Variants in NR3C2 observed in about 807,000 individuals in gnomAD.
NR3C2 encodes nuclear receptor subfamily 3 group C member 2.
NR3C2 carries 15 observed loss-of-function variants against 86.4 expected under a neutral mutation model. The observed-to-expected ratio is 0.17, with a 90% CI of 0.12 to 0.27. The LOEUF is 0.27. Ranked by LOEUF, NR3C2 falls within the 10% of genes least tolerant of loss-of-function variation. The probability of loss-of-function intolerance (pLI) is 1.00; values close to 1 mark genes in which losing one functional copy is unlikely to be tolerated. For missense variants in NR3C2, 960 were observed against 1,195.6 expected, an observed-to-expected ratio of 0.80 and a Z score of 2.91; for synonymous variants, 458 against 450.5, an observed-to-expected ratio of 1.02 and a Z score of -0.21.
At chr4:148,085,585 A>G (rs1044970604) in intron 8 of NR3C2, among the ~76,000 whole-genome samples, 1 of 152,226 alleles carries the variant, frequency 6.6e-6, no homozygotes, top group Non-Finnish European at 1.5e-5. Flanking sequence ...TAAAAGAACT[A>G]GAGAAGCAAG....
intron 2 of NR3C2, among the ~76,000 whole-genome samples, chr4:148,344,382 C>A (rs1302667366): frequency 1.3e-5 from 2 of 152,144 alleles, no homozygotes; most frequent in African/African-American, 4.8e-5. Context: ...CTGAAAAAAG[C>A]ATGAGCGTTG....
At chr4:148,155,606 A>G (rs908314223) in intron 4 of NR3C2, among the ~76,000 whole-genome samples, 8 of 152,164 alleles carry the variant, frequency 5.3e-5, no homozygotes, top group Admixed American at 3.9e-4. Context: ...GCTCAAGGAA[A>G]TAAGAGGATA....
At chr4:148,383,723 G>T (rs1579233229) in intron 2 of NR3C2, among the ~76,000 whole-genome samples, 1 of 152,048 alleles carries the variant, frequency 6.6e-6, no homozygotes, top group African/African-American at 2.4e-5. Flanking sequence ...GAGGCCGAGG[G>T]TGGATCATGA....
chr4:148,214,500 T>C (rs549182914), intron 3 of NR3C2, among the ~76,000 whole-genome samples: 16 of 152,310 alleles, frequency 1.1e-4, no homozygotes, highest in African/African-American at 3.8e-4. Context: ...CATGAATGCA[T>C]TTGGCTCCAT....
chr4:148,413,253 G>A (rs1197811361), intron 2 of NR3C2, among the ~76,000 whole-genome samples: 3 of 152,140 alleles, frequency 2.0e-5, no homozygotes, highest in African/African-American at 7.2e-5. Context: ...CCCTATCACT[G>A]TGAGGATTAT....
chr4:148,281,289 T>G (rs756954003), intron 2 of NR3C2, among the ~76,000 whole-genome samples: 1 of 152,226 alleles, frequency 6.6e-6, no homozygotes, highest in Non-Finnish European at 1.5e-5. Context: ...CAGTTATACG[T>G]AAATGCAGGG....
At chr4:148,121,448 T>C (rs548614884) in intron 6 of NR3C2, among the ~76,000 whole-genome samples, 11 of 152,248 alleles carry the variant, frequency 7.2e-5, no homozygotes, top group Non-Finnish European at 1.2e-4. Context: ...ACACACATGC[T>C]AATAGCATGA....
chr4:148,221,771 G>A (rs996138895), intron 3 of NR3C2, among the ~76,000 whole-genome samples: 1 of 151,780 alleles, frequency 6.6e-6, no homozygotes, highest in African/African-American at 2.4e-5. Flanking sequence ...GCAGGTGCCT[G>A]TAATCTCAGC....
At chr4:148,136,070 AAAAAAAC>A (rs371700122) in intron 6 of NR3C2, among the ~76,000 whole-genome samples, 23,095 of 133,258 alleles carry the variant, frequency 0.17, 2,518 homozygotes, top group Middle Eastern at 0.29. Flanking sequence ...AAAAAAAAAA[AAAAAAAC>A]AAAAAAAAAA....
chr4:148,152,297 G>C (rs1734137739), intron 6 of NR3C2, 172 bp downstream of exon 6: 1 of 633,836 alleles, frequency 1.6e-6, no homozygotes, highest in Non-Finnish European at 2.7e-6. Flanking sequence ...ACAGTATAAT[G>C]TTGCAAAGAG....
intron 4 of NR3C2, among the ~76,000 whole-genome samples, chr4:148,182,748 C>T (rs934413860): frequency 1.3e-5 from 2 of 152,216 alleles, no homozygotes; most frequent in South Asian, 4.1e-4. Flanking sequence ...CAGGCATAGG[C>T]TTTGCTGCCA....
intron 3 of NR3C2, among the ~76,000 whole-genome samples, chr4:148,245,408 G>A (rs373724845): frequency 2.6e-5 from 4 of 152,166 alleles, no homozygotes; most frequent in Non-Finnish European, 4.4e-5. Context: ...AAAAACCTGC[G>A]TGCAATTCCT....
At chr4:148,415,163 A>G (rs1020996590) in intron 2 of NR3C2, among the ~76,000 whole-genome samples, 2 of 152,212 alleles carry the variant, frequency 1.3e-5, no homozygotes, top group Non-Finnish European at 2.9e-5. Context: ...GCAACTTAAA[A>G]TAATAAACAG....
Position 148,377,047 on chromosome 4 carries a change from C to T in NR3C2, c.1757+58057G>A, listed in dbSNP as rs763278993. ...GGTCACACTTTTTAAATCTTGACTA[C>T]CAATATAAAAGACAACATATTTCTA... is the stretch of plus-strand genomic sequence containing the variant. On this transcript the variant is annotated intron_variant, in intron 2 of 8. Coordinates refer to ENST00000358102, the MANE Select transcript of NR3C2 (RefSeq NM_000901.5). 1.2e-4 allele frequency among the ~76,000 whole-genome samples: 19 copies of T among 152,126 alleles called. No individual in the cohort carries two copies. The South Asian group carries it at 2.5e-3, about 20-fold the overall frequency.
chr4:148,341,262 A>C (rs1744734611), intron 2 of NR3C2, among the ~76,000 whole-genome samples: 1 of 152,172 alleles, frequency 6.6e-6, no homozygotes, highest in Admixed American at 6.5e-5. Context: ...TAACAGTGGA[A>C]TATTATTCGC....
intron 2 of NR3C2, among the ~76,000 whole-genome samples, chr4:148,262,101 G>A (rs1393554840): frequency 6.6e-6 from 1 of 152,160 alleles, no homozygotes; most frequent in Non-Finnish European, 1.5e-5. Context: ...TACCCTGTCT[G>A]ACTCATCTTA....
chr4:148,197,771 A>C (rs1736507688), intron 3 of NR3C2, among the ~76,000 whole-genome samples: 1 of 152,354 alleles, frequency 6.6e-6, no homozygotes, highest in South Asian at 2.1e-4. Flanking sequence ...TGTCATTTTC[A>C]GAAAATTTTG....
chr4:148,160,184 G>A (rs1240901146), intron 4 of NR3C2, among the ~76,000 whole-genome samples: 2 of 152,162 alleles, frequency 1.3e-5, no homozygotes, highest in South Asian at 2.1e-4. Context: ...TCCTGGCACT[G>A]CTGGGAGACA....
At chr4:148,226,233 T>C (rs1738154809) in intron 3 of NR3C2, among the ~76,000 whole-genome samples, 1 of 152,160 alleles carries the variant, frequency 6.6e-6, no homozygotes, top group Non-Finnish European at 1.5e-5. Context: ...TCTGGATAAA[T>C]GTTTCCCTGA....
Sources: allele counts gnomAD v4.1 joint callset (sites outside exome capture counted in the v4.1 genomes callset), GRCh38; gene constraint gnomAD v4.1.1; transcripts MANE v1.5; gene names NCBI Gene and HGNC (gene_info 2026-07-23, HGNC 2026-07-21).